The following TBC1D2B variants were observed in gnomAD, a reference collection of about 807,000 sequenced individuals.
The protein encoded by TBC1D2B is TBC1 domain family, member 2B.
Under a neutral mutation model 100.8 loss-of-function variants are expected in TBC1D2B, and 64 were observed. That is an observed-to-expected ratio of 0.64 (90% CI 0.52 to 0.78). TBC1D2B has a LOEUF of 0.78. Ranked by LOEUF, TBC1D2B falls within the 30% of genes least tolerant of loss-of-function variation. The pLI is 0.00. For synonymous variants in TBC1D2B, 480 were observed against 479.7 expected (o/e 1.00, Z -0.01); for missense variants, 1,052 against 1,218.4 (o/e 0.86, Z 2.03).
intron 1 of TBC1D2B, among the ~76,000 whole-genome samples, chr15:78,076,517 G>A (rs2073831294): frequency 6.6e-6 from 1 of 152,170 alleles, no homozygotes; most frequent in Admixed American, 6.5e-5. Flanking sequence ...AGCTGGATGG[G>A]GAGGATGGTT....
intron 9 of TBC1D2B, 125 bp downstream of exon 9, chr15:78,012,698 A>T (rs1294305526): frequency 1.9e-6 from 2 of 1,065,434 alleles, no homozygotes; most frequent in Non-Finnish European, 2.5e-6. Context: ...GCTTGCTGCA[A>T]CTACTTTTTT....
Position 77,996,426 on chromosome 15 carries a change from G to C in TBC1D2B, c.*1734C>G, listed in dbSNP as rs1364921780. 1 of 33,822 alleles carries C rather than the reference G, an allele frequency of 3.0e-5. No individual in the cohort carries two copies. Among genetic ancestry groups the C allele is most frequent in the Non-Finnish European group, 1.3e-4 (1 of 7,788 alleles). 2.1% of individuals were successfully genotyped at this position (33,822 alleles called of 1,614,324 possible). A position where few individuals can be genotyped will look rare whatever the true frequency, so the allele number is the denominator to read the frequency against. On this transcript the variant is annotated 3_prime_UTR_variant, in exon 13 of 13. Coordinates refer to ENST00000300584, the MANE Select transcript of TBC1D2B (RefSeq NM_144572.2). ...GCTGTCGTTTCACGATGGGCTGAGG[G>C]GTGGGGGGGGTTCCAACACTTGATT...
intron 4 of TBC1D2B, among the ~76,000 whole-genome samples, chr15:78,029,194 C>T (rs113123181): frequency 0.019 from 2,895 of 151,840 alleles, 94 homozygotes; most frequent in African/African-American, 0.066. Context: ...GTAGCTGGGA[C>T]TACAGGCGCC....
rs1438076671 is a variant in TBC1D2B, at chr15:78,077,546, C to T, written c.107G>A (p.Arg36Gln). ...PGAGPAREPA[R>Q]LCGYLQKLSG... ...CAGCTTCTGCAGATAGCCACACAGC[C>T]GCGCTGGCTCCCGCGCCGGACCCGC... is the stretch of plus-strand genomic sequence containing the variant. Residue 36 changes from arginine to glutamine, a missense_variant, in exon 1 of 13, where the codon CGG (arginine) becomes CAG (glutamine). Around this residue, in one of 4 missense-constraint regions of TBC1D2B, gnomAD observed 627 missense variants for 646.1 expected, o/e 0.97. Coordinates refer to ENST00000300584, the MANE Select transcript of TBC1D2B (RefSeq NM_144572.2). 4.1e-6 allele frequency: 6 copies of T among 1,473,736 alleles called. No homozygotes were observed. The Middle Eastern group carries it at 8.7e-4, about 214-fold the overall frequency. 91.3% of individuals were successfully genotyped at this position (1,473,736 alleles called of 1,614,324 possible).
intron 1 of TBC1D2B, among the ~76,000 whole-genome samples, chr15:78,057,614 C>A (rs962810831): frequency 6.6e-6 from 1 of 152,064 alleles, no homozygotes; most frequent in African/African-American, 2.4e-5. Flanking sequence ...CCACTGCACT[C>A]CAGCCTGGGC....
rs2071780022 is a variant in TBC1D2B, at chr15:77,997,047, G to A, written c.*1113C>T. On this transcript the variant is annotated 3_prime_UTR_variant, in exon 13 of 13. Transcript: ENST00000300584. The stretch of plus-strand genomic sequence containing the variant: ...AGGATGTTCCAGGCAGTGGTGGGGT[G>A]GGCACACATCTGGGAGAGCTCACCC... 6.6e-6 allele frequency: 1 copy of A among 152,246 alleles called. No individual in the cohort carries two copies. Among genetic ancestry groups the A allele is most frequent in the East Asian group, 1.9e-4 (1 of 5,202 alleles). 9.4% of individuals were successfully genotyped at this position (152,246 alleles called of 1,614,324 possible). A position where few individuals can be genotyped will look rare whatever the true frequency, so the allele number is the denominator to read the frequency against.
At chr15:78,040,695 G>C (rs1412483990) in intron 3 of TBC1D2B, among the ~76,000 whole-genome samples, 1 of 139,784 alleles carries the variant, frequency 7.2e-6, no homozygotes, top group African/African-American at 2.7e-5. Flanking sequence ...GAAAGAAAGG[G>C]GGGGAGGGAG....
At chr15:78,049,169 G>A (rs1007072063) in intron 2 of TBC1D2B, among the ~76,000 whole-genome samples, 1 of 152,094 alleles carries the variant, frequency 6.6e-6, no homozygotes, top group South Asian at 2.1e-4. Context: ...AGAAAAAAGG[G>A]GCAGCCAACC....
At chr15:78,062,064 G>C (rs2073557553) in intron 1 of TBC1D2B, among the ~76,000 whole-genome samples, 1 of 152,122 alleles carries the variant, frequency 6.6e-6, no homozygotes, top group Non-Finnish European at 1.5e-5. Flanking sequence ...GCCCAAAACT[G>C]AAAGCTAGAA....
At chr15:78,008,918 T>C in intron 10 of TBC1D2B, 79 bp downstream of exon 10, 1 of 1,016,764 alleles carries the variant, frequency 9.8e-7, no homozygotes, top group Non-Finnish European at 1.5e-6. Flanking sequence ...CCCCTCACCC[T>C]GACCGCAGGT....
rs755400042 is a variant in TBC1D2B, at chr15:78,051,738, TAAC to T, written c.514+2293_514+2295del. On this transcript the variant is annotated intron_variant, in intron 2 of 12. Coordinates refer to ENST00000300584, the MANE Select transcript of TBC1D2B (RefSeq NM_144572.2). ...ACTAGAGTAGGCTAAGCTGAGCAGA[TAAC>T]AACAAGCATGGCTTTAGAAACTTCA... Among the ~76,000 whole-genome samples the T allele has an allele frequency of 5.9e-5, 9 of 152,328 alleles. 1 individual carries two copies. Among genetic ancestry groups the T allele is most frequent in the African/African-American group, 1.7e-4 (7 of 41,582 alleles).
At chr15:78,002,932 C>A (rs28414041) in intron 11 of TBC1D2B, 2,453 of 193,558 alleles carry the variant, frequency 0.013, 68 homozygotes, top group African/African-American at 0.052. Flanking sequence ...GTTGGCTCCC[C>A]CAAGTTAGTC....
At chr15:78,059,486 C>T (rs2073498150) in intron 1 of TBC1D2B, among the ~76,000 whole-genome samples, 1 of 152,160 alleles carries the variant, frequency 6.6e-6, no homozygotes, top group African/African-American at 2.4e-5. Flanking sequence ...GGGAGAGGGG[C>T]AGACAAGGAT....
At position 78,001,655 on chromosome 15, in the gene TBC1D2B, T is replaced by C; in HGVS notation, c.2660A>G (p.Tyr887Cys). The change falls in exon 12 of 13, where the codon TAT becomes TGT. Residue 887 changes from tyrosine (Y) to cysteine (C), a missense_variant. By Grantham distance (194) the Tyr-to-Cys change is radical. Around this residue, in one of 4 missense-constraint regions of TBC1D2B, gnomAD observed 373 missense variants for 464.9 expected, o/e 0.80. Transcript: ENST00000300584. ...KLQDSMSIFKYLRYFTRTILD... is the reference protein window; with the variant it reads ...KLQDSMSIFKCLRYFTRTILD... ...GATAGTGCGAGTGAAGTAGCGGAGATACTTAAATATAGACATCGAATCTTG... is the reference window on the plus strand; with the variant it reads ...GATAGTGCGAGTGAAGTAGCGGAGACACTTAAATATAGACATCGAATCTTG... 2.5e-6 allele frequency: 4 copies of C among 1,608,618 alleles called. No homozygotes were observed. Among genetic ancestry groups the C allele is most frequent in the Non-Finnish European group, 3.4e-6 (4 of 1,177,498 alleles).
chr15:78,028,718 G>A (rs557255042), intron 4 of TBC1D2B, among the ~76,000 whole-genome samples: 3 of 152,282 alleles, frequency 2.0e-5, no homozygotes, highest in East Asian at 1.9e-4. Flanking sequence ...GCAGGCCTCC[G>A]GCTCTAACTG....
chr15:78,055,216 G>A (rs1257998358), intron 1 of TBC1D2B, among the ~76,000 whole-genome samples: 1 of 135,072 alleles, frequency 7.4e-6, no homozygotes, highest in Non-Finnish European at 1.6e-5. Context: ...ATTTGTGGGT[G>A]ACAGAACTGC....
chr15:78,021,842 G>A (rs2141685421), intron 6 of TBC1D2B, among the ~76,000 whole-genome samples: 1 of 151,128 alleles, frequency 6.6e-6, no homozygotes, highest in Non-Finnish European at 1.5e-5. Context: ...GGAATGTCCT[G>A]TTCTGACAGC....
intron 3 of TBC1D2B, among the ~76,000 whole-genome samples, chr15:78,033,573 T>C (rs922606437): frequency 6.6e-6 from 1 of 152,242 alleles, no homozygotes; most frequent in Non-Finnish European, 1.5e-5. Flanking sequence ...TTTTTCTTTA[T>C]TATGGAGGTG....
At chr15:78,048,354 T>C (rs1454115684) in intron 2 of TBC1D2B, among the ~76,000 whole-genome samples, 1 of 152,214 alleles carries the variant, frequency 6.6e-6, no homozygotes, top group Admixed American at 6.5e-5. Context: ...TGCTGGCTTC[T>C]CCTCAATACA....
Sources: gnomAD v4.1 joint callset for allele counts (sites outside exome capture counted in the v4.1 genomes callset) on GRCh38, gnomAD v4.1.1 for gene constraint, gnomAD v4.1.1 regional missense constraint, MANE v1.5 for transcripts, NCBI Gene and HGNC (gene_info 2026-07-23, HGNC 2026-07-21) for gene names.